Variants in VMP1 observed in about 807,000 individuals in gnomAD.
The protein encoded by VMP1 is vacuole membrane protein 1.
VMP1 carries 11 observed loss-of-function variants against 56.0 expected under a neutral mutation model. That is an observed-to-expected ratio of 0.20 (90% confidence interval 0.12 to 0.32). VMP1 has a LOEUF of 0.32. VMP1 is among the 10% of genes least tolerant of loss of function. The pLI, the probability that VMP1 is intolerant of heterozygous loss-of-function variation, is 1.00. For synonymous variants in VMP1, 149 were observed against 165.0 expected (o/e 0.90, Z 0.74); for missense variants, 296 against 490.3 (o/e 0.60, Z 3.74).
chr17:59,717,081 G>A (rs1404868380), intron 1 of VMP1, among the ~76,000 whole-genome samples: 1 of 151,876 alleles, frequency 6.6e-6, no homozygotes, highest in Non-Finnish European at 1.5e-5. Flanking sequence ...CCGGGTTCAC[G>A]CCATTCTCCT....
chr17:59,760,549 A>G (rs933143488), intron 5 of VMP1, among the ~76,000 whole-genome samples: 1 of 152,050 alleles, frequency 6.6e-6, no homozygotes, highest in African/African-American at 2.4e-5. Context: ...TCCTCTTGTC[A>G]TTGAATTATA....
intron 1 of VMP1, among the ~76,000 whole-genome samples, chr17:59,722,076 C>A (rs2034421364): frequency 6.6e-6 from 1 of 152,120 alleles, no homozygotes; most frequent in South Asian, 2.1e-4. Context: ...AGAGTACCAC[C>A]CTTATTACCT....
rs1342894751 is a variant in VMP1, at chr17:59,793,603, C to T, written c.715-15193C>T. ...ATTACCATGTTTGTGCGTGTGTGCA[C>T]GCGTGCGCATGTGTGTGTGTGTTTA... is the stretch of plus-strand genomic sequence containing the variant. On this transcript the variant is annotated intron_variant, in intron 7 of 11. Transcript: ENST00000262291. 6.9e-5 allele frequency among the ~76,000 whole-genome samples: 8 copies of T among 115,376 alleles called. 3 individuals carry two copies. The highest frequency in any genetic ancestry group is 6.4e-5 in the Non-Finnish European group (3 of 46,512). 75.7% of individuals were successfully genotyped at this position (115,376 alleles called of 152,430 possible). A position where few individuals can be genotyped will look rare whatever the true frequency, so the allele number is the denominator to read the frequency against.
chr17:59,812,355 G>A (rs1215049342), intron 9 of VMP1, among the ~76,000 whole-genome samples: 1 of 152,102 alleles, frequency 6.6e-6, no homozygotes, highest in Non-Finnish European at 1.5e-5. Context: ...TGTGGGTTGT[G>A]GTCAGAGAAG....
chr17:59,767,155 A>G (rs1026255192), intron 6 of VMP1, among the ~76,000 whole-genome samples: 3 of 150,774 alleles, frequency 2.0e-5, no homozygotes, highest in South Asian at 4.2e-4. Flanking sequence ...GGGATTTGTT[A>G]TGTTCCTGTA....
At chr17:59,807,422 C>T (rs578114903) in intron 7 of VMP1, among the ~76,000 whole-genome samples, 1 of 152,122 alleles carries the variant, frequency 6.6e-6, no homozygotes, top group African/African-American at 2.4e-5. Flanking sequence ...TGGTCTCGAT[C>T]TCCTGACCTT....
intron 10 of VMP1, among the ~76,000 whole-genome samples, chr17:59,823,850 A>G (rs1315011099): frequency 6.6e-6 from 1 of 152,250 alleles, no homozygotes; most frequent in Non-Finnish European, 1.5e-5. Flanking sequence ...TTGCAGTCAC[A>G]AATAAAGGAG....
intron 7 of VMP1, among the ~76,000 whole-genome samples, chr17:59,789,239 A>G (rs939465986): frequency 7.8e-6 from 1 of 128,646 alleles, no homozygotes; most frequent in Admixed American, 7.7e-5. Context: ...GCAGTGAGAG[A>G]AAAAAAAAAA....
At chr17:59,723,877 AG>A (rs1415440184) in intron 1 of VMP1, among the ~76,000 whole-genome samples, 3 of 152,232 alleles carry the variant, frequency 2.0e-5, no homozygotes, top group African/African-American at 7.2e-5. Flanking sequence ...TAGGCTTAAT[AG>A]TAGTGGGATT....
intron 9 of VMP1, 48 bp from the exon 10 acceptor site, chr17:59,817,664 G>T (rs11653576): frequency 0.14 from 203,429 of 1,429,894 alleles, 15,628 homozygotes; most frequent in Non-Finnish European, 0.16. Context: ...ATTTATGTTG[G>T]TTTTTTGATG....
rs141440530 is a variant in VMP1, at chr17:59,836,592, T to C, written c.975-1703T>C. Among the ~76,000 whole-genome samples the C allele has an allele frequency of 9.2e-3, 1,406 of 152,282 alleles. 24 individuals carry two copies. Among genetic ancestry groups the C allele is most frequent in the African/African-American group, 0.032 (1,340 of 41,552 alleles). ...ATCTTCTGTACCAAAAACTTTAATATTGAATTGTAAATTATTTTGTTCACA... is the reference window on the plus strand; with the variant it reads ...ATCTTCTGTACCAAAAACTTTAATACTGAATTGTAAATTATTTTGTTCACA... On this transcript the variant is annotated intron_variant, in intron 10 of 11. Transcript: ENST00000262291.
intron 7 of VMP1, among the ~76,000 whole-genome samples, chr17:59,797,904 A>C (rs1027989234): frequency 6.6e-6 from 1 of 152,202 alleles, no homozygotes; most frequent in Non-Finnish European, 1.5e-5. Context: ...TGATAAAATA[A>C]ATTTTTAAAA....
intron 5 of VMP1, among the ~76,000 whole-genome samples, chr17:59,763,387 A>T (rs2036126441): frequency 6.6e-6 from 1 of 152,076 alleles, no homozygotes; most frequent in Non-Finnish European, 1.5e-5. Context: ...GTATTTTCAA[A>T]ATCTTATATA....
intron 5 of VMP1, among the ~76,000 whole-genome samples, chr17:59,761,109 G>A (rs140624487): frequency 3.1e-3 from 473 of 151,544 alleles, no homozygotes; most frequent in Non-Finnish European, 4.8e-3. Flanking sequence ...CACCATGTTG[G>A]CCAGGCTAGT....
intron 6 of VMP1, among the ~76,000 whole-genome samples, chr17:59,772,495 G>A (rs781145187): frequency 1.3e-5 from 2 of 151,492 alleles, no homozygotes; most frequent in African/African-American, 2.4e-5. Flanking sequence ...TTGGCTGGGC[G>A]TGGTGGCTCA....
Position 59,838,408 on chromosome 17 carries a change from A to T in VMP1, c.1077+11A>T, listed in dbSNP as rs2039053308. 1 of 1,613,808 alleles carries T rather than the reference A, an allele frequency of 6.2e-7. No individual in the cohort carries two copies. The highest frequency in any genetic ancestry group is 8.5e-7 in the Non-Finnish European group (1 of 1,179,862). Reference sequence around the variant, plus strand: ...ATGGGCACACCACAGGTAAGACTTTAATCCGGTTTCTTCTCCCCTCTGGGA... The same window carrying T: ...ATGGGCACACCACAGGTAAGACTTTTATCCGGTTTCTTCTCCCCTCTGGGA... On this transcript the variant is annotated intron_variant, in intron 11 of 11. Coordinates refer to ENST00000262291, the MANE Select transcript of VMP1 (RefSeq NM_030938.5).
At chr17:59,765,196 G>A in intron 6 of VMP1, 58 bp downstream of exon 6, 2 of 1,517,854 alleles carry the variant, frequency 1.3e-6, no homozygotes, top group Non-Finnish European at 1.8e-6. Flanking sequence ...GATAGTGTGT[G>A]TACCTTATTG....
intron 10 of VMP1, among the ~76,000 whole-genome samples, chr17:59,832,602 G>A (rs2038847821): frequency 6.6e-6 from 1 of 150,656 alleles, no homozygotes; most frequent in South Asian, 2.1e-4. Context: ...GTTTTGTTTT[G>A]TTTTGTTTTG....
chr17:59,839,201 C>G (rs1006662652), intron 11 of VMP1: 1 of 152,436 alleles, frequency 6.6e-6, no homozygotes, highest in Non-Finnish European at 1.5e-5. Context: ...ACCGTGTTAG[C>G]CAGGCTGGTC....
Sources: gnomAD v4.1 joint callset for allele counts (sites outside exome capture counted in the v4.1 genomes callset) on GRCh38, gnomAD v4.1.1 for gene constraint, MANE v1.5 for transcripts, NCBI Gene and HGNC (gene_info 2026-07-23, HGNC 2026-07-21) for gene names.